GLRX3: variants seen among roughly 807,000 people sequenced by gnomAD.
GLRX3 encodes glutaredoxin-3.
GLRX3 carries 22 observed loss-of-function variants against 49.5 expected under a neutral mutation model. That is an observed-to-expected ratio of 0.44 (90% confidence interval 0.32 to 0.63). The LOEUF is 0.63. Among genes scored for constraint, GLRX3 ranks in the 30% least tolerant of loss-of-function variants. The probability of loss-of-function intolerance (pLI) is 0.05; values close to 1 mark genes in which losing one functional copy is unlikely to be tolerated. For missense variants in GLRX3, 385 were observed against 396.3 expected (o/e 0.97, Z 0.24); for synonymous variants, 133 against 140.0 (o/e 0.95, Z 0.35).
chr10:130,178,273 A>T (rs1028583192), intron 10 of GLRX3, among the ~76,000 whole-genome samples: 1 of 151,920 alleles, frequency 6.6e-6, no homozygotes, highest in African/African-American at 2.4e-5. Flanking sequence ...TTCGAGACAG[A>T]GTCTCACTCT....
At chr10:130,147,553 G>A (rs1332001601) in intron 2 of GLRX3, among the ~76,000 whole-genome samples, 4 of 152,170 alleles carry the variant, frequency 2.6e-5, no homozygotes, top group Non-Finnish European at 2.9e-5. Flanking sequence ...TGATGACAGC[G>A]TAAGATTGGT....
In GLRX3 at chr10:130,145,213, C is replaced by T; in HGVS notation, c.95C>T (p.Ser32Phe). 1 of 1,299,166 alleles carries T rather than the reference C, an allele frequency of 7.7e-7. No homozygotes were observed. Among genetic ancestry groups the T allele is most frequent in the Non-Finnish European group, 1.1e-6 (1 of 916,380 alleles). 80.5% of individuals were successfully genotyped at this position (1,299,166 alleles called of 1,614,324 possible). A position where few individuals can be genotyped will look rare whatever the true frequency, so the allele number is the denominator to read the frequency against. Residue 32 changes from serine to phenylalanine, a missense_variant and splice_region_variant, in exon 2 of 11, where the codon TCC (serine) becomes TTC (phenylalanine). Physicochemically the swap from Ser to Phe is radical, Grantham distance 155 (BLOSUM62 -2). This residue lies in a region of GLRX3 where 374 missense variants were observed against 358.6 expected (regional missense o/e 1.04). Coordinates refer to ENST00000331244, the MANE Select transcript of GLRX3 (RefSeq NM_006541.5). ...FEELLRLKAK[S>F]LLVVHFWAPW... ...AAATGCATTTAATTGATTTACAGGT[C>T]CCTCCTTGTGGTCCATTTCTGGGCA...
At position 130,175,477 on chromosome 10, in the gene GLRX3, C is replaced by T. The variant is rs189280562; in HGVS notation, c.957+388C>T. ...GGCCTGTGGCCCGGTGCTGCCCATCCTTGCCACAGAGGCTGAGGATCACTG... is the reference window on the plus strand; with the variant it reads ...GGCCTGTGGCCCGGTGCTGCCCATCTTTGCCACAGAGGCTGAGGATCACTG... On this transcript the variant is annotated intron_variant, in intron 10 of 10. Coordinates refer to ENST00000331244, the MANE Select transcript of GLRX3 (RefSeq NM_006541.5). Among the ~76,000 whole-genome samples the T allele has an allele frequency of 5.9e-3, 906 of 152,350 alleles. 8 individuals carry two copies. The highest frequency in any genetic ancestry group is 6.9e-3 in the Non-Finnish European group (468 of 68,026).
intron 2 of GLRX3, among the ~76,000 whole-genome samples, chr10:130,156,014 A>G (rs1349781525): frequency 1.3e-5 from 2 of 152,244 alleles, no homozygotes; most frequent in Admixed American, 6.5e-5. Flanking sequence ...AACATGGTGT[A>G]GGGAGGCGCT....
intron 4 of GLRX3, among the ~76,000 whole-genome samples, 197 bp from the exon 5 acceptor site, chr10:130,166,310 T>C (rs1018910842): frequency 2.0e-5 from 3 of 152,062 alleles, no homozygotes; most frequent in East Asian, 1.9e-4. Flanking sequence ...GTGTGTGATA[T>C]GGTTCAAGGT....
chr10:130,154,641 A>G (rs1380068803), intron 2 of GLRX3, among the ~76,000 whole-genome samples: 1 of 152,004 alleles, frequency 6.6e-6, no homozygotes, highest in South Asian at 2.1e-4. Context: ...GTTCCTGAAT[A>G]GCAGGTTTAA....
chr10:130,149,373 T>A (rs930273972), intron 2 of GLRX3, among the ~76,000 whole-genome samples: 3 of 150,376 alleles, frequency 2.0e-5, no homozygotes, highest in African/African-American at 7.4e-5. Context: ...ACCCAGGAGG[T>A]GGAGGTTGCA....
intron 2 of GLRX3, among the ~76,000 whole-genome samples, chr10:130,155,086 C>A (rs1862448950): frequency 6.6e-6 from 1 of 152,112 alleles, no homozygotes; most frequent in South Asian, 2.1e-4. Flanking sequence ...TTCTTCCCAC[C>A]TTGGCCTCCC....
chr10:130,148,113 T>A (rs749273986), intron 2 of GLRX3, among the ~76,000 whole-genome samples: 2 of 152,154 alleles, frequency 1.3e-5, no homozygotes, highest in East Asian at 3.8e-4. Flanking sequence ...AATGTTCTTC[T>A]GCTTCATCTT....
chr10:130,174,970 G>A, intron 9 of GLRX3, 27 bp from the exon 10 acceptor site: 2 of 1,571,928 alleles, frequency 1.3e-6, no homozygotes. Flanking sequence ...TGATAGGATG[G>A]TTTCAGGATT....
At chr10:130,156,516 G>A (rs964816161) in intron 2 of GLRX3, among the ~76,000 whole-genome samples, 1 of 152,144 alleles carries the variant, frequency 6.6e-6, no homozygotes, top group African/African-American at 2.4e-5. Flanking sequence ...TGTTAAAGAC[G>A]GTGCCTGTTG....
At chr10:130,174,798 C>CAAATGCATAGAGGTTTTACACTTTGATTT in intron 8 of GLRX3, 69 bp from the exon 9 acceptor site, 1 of 961,592 alleles carries the variant, frequency 1.0e-6, no homozygotes, top group Non-Finnish European at 1.7e-6. Flanking sequence ...TTAAAAACAT[C>CAAATGCATAGAGGTTTTACACTTTGATTT]AAATGCATAG....
intron 2 of GLRX3, among the ~76,000 whole-genome samples, chr10:130,156,049 C>T (rs977251578): frequency 4.6e-5 from 7 of 152,150 alleles, no homozygotes; most frequent in Admixed American, 1.3e-4. Flanking sequence ...CACTGTCTGC[C>T]TACATCACTC....
chr10:130,171,783 T>A (rs1334793170), intron 8 of GLRX3, 147 bp downstream of exon 8: 7 of 617,028 alleles, frequency 1.1e-5, no homozygotes, highest in African/African-American at 1.9e-5. Context: ...CTGGACAACA[T>A]AGTGAGACCC....
intron 2 of GLRX3, among the ~76,000 whole-genome samples, chr10:130,157,677 C>G (rs942949834): frequency 1.3e-5 from 2 of 151,900 alleles, no homozygotes; most frequent in African/African-American, 4.8e-5. Context: ...CCAACCATTG[C>G]ACCTCCTCTT....
chr10:130,145,532 G>A (rs1862255520), intron 2 of GLRX3, among the ~76,000 whole-genome samples: 1 of 151,828 alleles, frequency 6.6e-6, no homozygotes, highest in Non-Finnish European at 1.5e-5. Context: ...CGTGGTGGCG[G>A]GTGCCTATAA....
chr10:130,175,716 G>A (rs987110053), intron 10 of GLRX3, among the ~76,000 whole-genome samples: 2 of 152,222 alleles, frequency 1.3e-5, no homozygotes, highest in Admixed American at 1.3e-4. Flanking sequence ...ACGTTACTTT[G>A]CATGTATTTA....
chr10:130,136,456 C>G lies in GLRX3; in HGVS notation c.36C>G (p.Ala12=). 2.4e-6 allele frequency: 3 copies of G among 1,264,380 alleles called. No individual in the cohort carries two copies. The highest frequency in any genetic ancestry group is 3.0e-6 in the Non-Finnish European group (3 of 998,792). 78.3% of individuals were successfully genotyped at this position (1,264,380 alleles called of 1,614,324 possible). The change falls in exon 1 of 11, where the codon GCC becomes GCG. Residue 12 remains alanine, a synonymous_variant. Coordinates refer to ENST00000331244, the MANE Select transcript of GLRX3 (RefSeq NM_006541.5). The part of the protein sequence containing the change: ...AAGAAEAAVA[A]VEEVGSAGQF... ...GGGCGGCTGAGGCAGCTGTAGCGGC[C>G]GTGGAGGAGGTCGGCTCAGCCGGGC...
intron 3 of GLRX3, among the ~76,000 whole-genome samples, chr10:130,160,429 T>G (rs1377518828): frequency 6.6e-6 from 1 of 152,204 alleles, no homozygotes; most frequent in East Asian, 1.9e-4. Flanking sequence ...TCTGGTTTGA[T>G]GAATGACTTT....
Sources: allele counts gnomAD v4.1 joint callset (sites outside exome capture counted in the v4.1 genomes callset), GRCh38; gene constraint gnomAD v4.1.1; regional missense constraint gnomAD v4.1.1; transcripts MANE v1.5; gene names NCBI Gene and HGNC (gene_info 2026-07-23, HGNC 2026-07-21).